OR10W1: variants seen among roughly 807,000 people sequenced by gnomAD.
OR10W1 encodes the protein olfactory receptor 10W1.
For synonymous variants in OR10W1, 152 were observed against 151.6 expected (o/e 1.00, Z -0.02); for missense variants, 406 against 365.8 (o/e 1.11, Z -0.90).
In OR10W1 at chr11:58,267,751, A is replaced by C; in HGVS notation, c.108T>G (p.Ile36Met). 2 of 1,614,082 alleles carry C rather than the reference A, an allele frequency of 1.2e-6. No individual in the cohort carries two copies. Among genetic ancestry groups the C allele is most frequent in the South Asian group, 2.2e-5 (2 of 91,084 alleles). ...AGGTTTCTGTGTGAATGGACACCACAATGAGAATGTTCCCAGTGATGATCA... is the reference window on the plus strand; with the variant it reads ...AGGTTTCTGTGTGAATGGACACCACCATGAGAATGTTCCCAGTGATGATCA... ...YGLIITGNILIVVSIHTETCL... is the reference protein window; with the variant it reads ...YGLIITGNILMVVSIHTETCL... The change falls in exon 1 of 1, where the codon ATT becomes ATG. Residue 36 changes from isoleucine (I) to methionine (M), a missense_variant. By Grantham distance (10) the Ile-to-Met change is conservative (BLOSUM62 1). Transcript: ENST00000395079.
In OR10W1 at chr11:58,267,824, G is replaced by T; in HGVS notation, c.35C>A (p.Pro12Gln). 1 of 1,614,028 alleles carries T rather than the reference G, an allele frequency of 6.2e-7. No individual in the cohort carries two copies. The highest frequency in any genetic ancestry group is 8.5e-7 in the Non-Finnish European group (1 of 1,179,930). ...AAGGAAGGACAGAATATGCAGTTCT[G>T]GGCAGGAGGGATAGGCCAGGAACAC... is the stretch of plus-strand genomic sequence containing the variant. ...EFVFLAYPSCPELHILSFLGV... is the reference protein window; with the variant it reads ...EFVFLAYPSCQELHILSFLGV... The change falls in exon 1 of 1, where the codon CCA (proline) becomes CAA (glutamine). Residue 12 changes from proline to glutamine, a missense_variant. Transcript: ENST00000395079.
Position 58,267,344 on chromosome 11 carries a change from A to G in OR10W1, c.515T>C (p.Val172Ala). The change falls in exon 1 of 1, where the codon GTG becomes GCG. Residue 172 changes from valine to alanine, a missense_variant. By Grantham distance (64) the Val-to-Ala change is moderately conservative. Coordinates refer to ENST00000395079, the MANE Select transcript of OR10W1 (RefSeq NM_207374.3). ...AQGIEHFFCD[V>A]PPVMHVVCAQ... ...ACAAACAACATGCATGACTGGTGGC[A>G]CATCACAAAAGAAGTGCTCAATGCC... The G allele has an allele frequency of 6.2e-7, 1 of 1,614,020 alleles. No individual in the cohort carries two copies. Among genetic ancestry groups the G allele is most frequent in the Non-Finnish European group, 8.5e-7 (1 of 1,179,950 alleles).
chr11:58,266,875 C>CA lies in OR10W1; in HGVS notation c.*65dup. On this transcript the variant is annotated 3_prime_UTR_variant, in exon 1 of 1. Coordinates refer to ENST00000395079, the MANE Select transcript of OR10W1 (RefSeq NM_207374.3). ...TTTTAACACCAAATGATAGAAATCT[C>CA]AGTTTCATACAGATTTGGTGGGCTG... The CA allele has an allele frequency of 8.0e-7, 1 of 1,246,152 alleles. No homozygotes were observed. The allele number at this position is 1,246,152 out of a possible 1,614,324, so 77.2% of individuals were successfully genotyped here. A position where few individuals can be genotyped will look rare whatever the true frequency, so the allele number is the denominator to read the frequency against.
At position 58,268,121 on chromosome 11, in the gene OR10W1, A is replaced by G. The variant is rs569942549; in HGVS notation, c.-263T>C. 5.0e-6 allele frequency: 2 copies of G among 399,292 alleles called. No homozygotes were observed. The highest frequency in any genetic ancestry group is 7.9e-5 in the East Asian group (2 of 25,318). 24.7% of individuals were successfully genotyped at this position (399,292 alleles called of 1,614,324 possible). On this transcript the variant is annotated 5_prime_UTR_variant, in exon 1 of 1. Transcript: ENST00000395079. ...GTTGGGCCAAACTATGTAAGATACT[A>G]TTGAAGAAAAATGGCAGAGGAAGTG...
At position 58,266,987 on chromosome 11, in the gene OR10W1, G is replaced by A. The variant is rs1304601568; in HGVS notation, c.872C>T (p.Ala291Val). Reference sequence around the variant, plus strand: ...GTTCCTGGTAAGAACTCTCCCTACGGCCCCTTTCATCTCACTGTTCCTCAG... The same window carrying A: ...GTTCCTGGTAAGAACTCTCCCTACGACCCCTTTCATCTCACTGTTCCTCAG... ...YALRNSEMKG[A>V]VGRVLTRNCL... The change falls in exon 1 of 1, where the codon GCC (alanine) becomes GTC (valine). Residue 291 changes from alanine to valine, a missense_variant. By Grantham distance (64) the Ala-to-Val change is moderately conservative. Transcript: ENST00000395079. The A allele has an allele frequency of 2.5e-6, 4 of 1,594,740 alleles. No individual in the cohort carries two copies. The highest frequency in any genetic ancestry group is 2.7e-5 in the African/African-American group (2 of 74,716).
rs770706815 is a variant in OR10W1, at chr11:58,267,046, C to T, written c.813G>A (p.Leu271=). Residue 271 remains leucine (L), a synonymous_variant, in exon 1 of 1, where the codon TTG becomes TTA. Transcript: ENST00000395079. ...QDRFISLVYT[L]GTPLLNPLIY... ...TAAGTGGGTTGAGCAGTGGGGTTCC[C>T]AATGTGTACACCAGTGAGATGAACC... is the stretch of plus-strand genomic sequence containing the variant. 24 of 1,613,838 alleles carry T rather than the reference C, an allele frequency of 1.5e-5. No homozygotes were observed. The African/African-American group carries it at 3.1e-4, about 21-fold the overall frequency.
chr11:58,267,261 C>A lies in OR10W1; in HGVS notation c.598G>T (p.Val200Leu). ...GAGGTGGTGATGAGGAAGAAAGGCA[C>A]AGCAATGGCTAGTATGGCTGCCACC... Reference protein sequence around the residue: ...VLVAAILAIAVPFFLITTSYT... With the variant: ...VLVAAILAIALPFFLITTSYT... The change falls in exon 1 of 1, where the codon GTG (valine) becomes TTG (leucine). Residue 200 changes from valine (V) to leucine (L), a missense_variant. By Grantham distance (32) the Val-to-Leu change is conservative. Transcript: ENST00000395079. The A allele has an allele frequency of 6.2e-7, 1 of 1,614,154 alleles. No individual in the cohort carries two copies.
rs1404346424 is a variant in OR10W1 at position 58,267,280 on chromosome 11, T to C, written c.579A>G (p.Ala193=). 3.1e-6 allele frequency: 5 copies of C among 1,614,016 alleles called. No individual in the cohort carries two copies. The East Asian group carries it at 1.1e-4, about 36-fold the overall frequency. The change falls in exon 1 of 1, where the codon GCA becomes GCG. Residue 193 remains alanine, a synonymous_variant. Transcript: ENST00000395079. ...AAGGCACAGCAATGGCTAGTATGGC[T>C]GCCACCAGCACTGACTGCTCATGAA... ...SHIHEQSVLV[A]AILAIAVPFF... is the part of the protein sequence containing the mutation.
chr11:58,267,780 C>T lies in OR10W1; in HGVS notation c.79G>A (p.Gly27Ser). The T allele has an allele frequency of 6.2e-7, 1 of 1,614,130 alleles. No homozygotes were observed. The highest frequency in any genetic ancestry group is 8.5e-7 in the Non-Finnish European group (1 of 1,179,998). The change falls in exon 1 of 1, where the codon GGT becomes AGT. Residue 27 changes from glycine to serine, a missense_variant. By Grantham distance (56) the Gly-to-Ser change is moderately conservative. Transcript: ENST00000395079. ...AGAATGTTCCCAGTGATGATCAAAC[C>T]ATAAACCAGGCTGACCCCAAGGAAG... ...LSFLGVSLVY[G>S]LIITGNILIV...
chr11:58,267,188 C>T lies in OR10W1; in HGVS notation c.671G>A (p.Gly224Asp), dbSNP rs201353097. ...AALLKIHSAA[G>D]RHRAFSTCSS... ...GCAGGTGGAGAAGGCCCGGTGGCGG[C>T]CAGCAGCCGAGTGGATCTTGAGCAG... Residue 224 changes from glycine (G) to aspartate (D), a missense_variant, in exon 1 of 1, where the codon GGC (glycine) becomes GAC (aspartate). Gly to Asp is a moderately conservative substitution (Grantham distance 94). Transcript: ENST00000395079. 4.3e-6 allele frequency: 7 copies of T among 1,614,026 alleles called. No homozygotes were observed. The highest frequency in any genetic ancestry group is 1.7e-5 in the Admixed American group (1 of 59,998).
Position 58,267,639 on chromosome 11 carries a change from C to G in OR10W1, c.220G>C (p.Ala74Pro). The G allele has an allele frequency of 6.2e-7, 1 of 1,614,092 alleles. No homozygotes were observed. Among genetic ancestry groups the G allele is most frequent in the Non-Finnish European group, 8.5e-7 (1 of 1,180,020 alleles). ...YTAVVVPHIL[A>P]NTLQSEKTIT... The stretch of plus-strand genomic sequence containing the variant: ...GTCTTCTCTGACTGTAGGGTGTTGG[C>G]CAGGATATGGGGCACCACCACTGCA... Residue 74 changes from alanine to proline, a missense_variant, in exon 1 of 1, where the codon GCC becomes CCC. Ala to Pro is a conservative substitution (Grantham distance 27). Coordinates refer to ENST00000395079, the MANE Select transcript of OR10W1 (RefSeq NM_207374.3).
At position 58,266,833 on chromosome 11, in the gene OR10W1, A is replaced by G. The variant is rs1229353602; in HGVS notation, c.*108T>C. ...CATAAACAGTATCCATATAATTTAT[A>G]CCATCTTTTAGATGAGTTTTAACAC... On this transcript the variant is annotated 3_prime_UTR_variant, in exon 1 of 1. Transcript: ENST00000395079. 4.8e-6 allele frequency: 4 copies of G among 826,778 alleles called. No individual in the cohort carries two copies. The allele number at this position is 826,778 out of a possible 1,614,324, so 51.2% of individuals were successfully genotyped here.
rs1853557757 is a variant in OR10W1, at chr11:58,267,415, T to A, written c.444A>T (p.Leu148Phe). Residue 148 changes from leucine to phenylalanine, a missense_variant, in exon 1 of 1, where the codon TTA (leucine) becomes TTT (phenylalanine). Physicochemically the swap from Leu to Phe is conservative, Grantham distance 22 (BLOSUM62 0). Transcript: ENST00000395079. The part of the protein sequence containing the change: ...ASVISGLFLS[L>F]QLVAFIFSLP... Reference sequence around the variant, plus strand: ...GAGAGAAGATGAAGGCCACCAGTTGTAAGGACAGGAACAGACCACTGATGA... The same window carrying A: ...GAGAGAAGATGAAGGCCACCAGTTGAAAGGACAGGAACAGACCACTGATGA... 6.2e-7 allele frequency: 1 copy of A among 1,613,600 alleles called. No homozygotes were observed. Among genetic ancestry groups the A allele is most frequent in the South Asian group, 1.1e-5 (1 of 91,016 alleles).
Position 58,267,890 on chromosome 11 carries a change from C to CT in OR10W1, c.-33dup, listed in dbSNP as rs750263033. On this transcript the variant is annotated 5_prime_UTR_variant, in exon 1 of 1. Coordinates refer to ENST00000395079, the MANE Select transcript of OR10W1 (RefSeq NM_207374.3). ...TGAGTGATTTTCCCAGGTAATTGAG[C>CT]TAACAGTATTTCTCTGTGGAGAGCT... 6.6e-7 allele frequency: 1 copy of CT among 1,513,060 alleles called. No homozygotes were observed. Among genetic ancestry groups the CT allele is most frequent in the Non-Finnish European group, 9.1e-7 (1 of 1,094,884 alleles). The allele number at this position is 1,513,060 out of a possible 1,614,324, so 93.7% of individuals were successfully genotyped here.
At position 58,268,011 on chromosome 11, in the gene OR10W1, G is replaced by A; in HGVS notation, c.-153C>T. On this transcript the variant is annotated 5_prime_UTR_variant, in exon 1 of 1. Coordinates refer to ENST00000395079, the MANE Select transcript of OR10W1 (RefSeq NM_207374.3). ...CAGCACTGGAGTTAGAAACTGGAAGGATCAAGACTAGTTCTTTTTCTTTTC... is the reference window on the plus strand; with the variant it reads ...CAGCACTGGAGTTAGAAACTGGAAGAATCAAGACTAGTTCTTTTTCTTTTC... 1.6e-6 allele frequency: 1 copy of A among 626,746 alleles called. No individual in the cohort carries two copies. Among genetic ancestry groups the A allele is most frequent in the South Asian group, 2.1e-5 (1 of 47,922 alleles). 38.8% of individuals were successfully genotyped at this position (626,746 alleles called of 1,614,324 possible). A position where few individuals can be genotyped will look rare whatever the true frequency, so the allele number is the denominator to read the frequency against.
chr11:58,267,103 G>T lies in OR10W1; in HGVS notation c.756C>A (p.Cys252Ter). 1 of 1,614,130 alleles carries T rather than the reference G, an allele frequency of 6.2e-7. No individual in the cohort carries two copies. Among genetic ancestry groups the T allele is most frequent in the Non-Finnish European group, 8.5e-7 (1 of 1,179,992 alleles). The change falls in exon 1 of 1, where the codon TGC becomes TGA. Residue 252 changes from cysteine to a stop codon, truncating the protein, a stop_gained. Coordinates refer to ENST00000395079, the MANE Select transcript of OR10W1 (RefSeq NM_207374.3). LOFTEE classifies it low-confidence loss of function (END_TRUNC). Reference sequence around the variant, plus strand: ...GCTTGGGGTTGTAGCTGGAGCTGGGGCACAGGTACATGAAGGCACAGCAGC... The same window carrying T: ...GCTTGGGGTTGTAGCTGGAGCTGGGTCACAGGTACATGAAGGCACAGCAGC... ...QYGCCAFMYL[C>*]PSSSYNPKQD...
In OR10W1 at chr11:58,267,750, CA is replaced by C; in HGVS notation, c.108del (p.Ile36MetfsTer92). The C allele has an allele frequency of 6.2e-7, 1 of 1,614,014 alleles. No individual in the cohort carries two copies. The highest frequency in any genetic ancestry group is 8.5e-7 in the Non-Finnish European group (1 of 1,179,900). On this transcript the variant is annotated frameshift_variant, in exon 1 of 1. Transcript: ENST00000395079. LOFTEE classifies it low-confidence loss of function (END_TRUNC). ...CAGGTTTCTGTGTGAATGGACACCA[CA>C]ATGAGAATGTTCCCAGTGATGATCA... is the stretch of plus-strand genomic sequence containing the variant. ...YGLIITGNIL[I>X]VVSIHTETCL...
Position 58,267,015 on chromosome 11 carries a change from C to G in OR10W1, c.844G>C (p.Ala282Pro), listed in dbSNP as rs777444012. 1.4e-5 allele frequency: 22 copies of G among 1,611,914 alleles called. No homozygotes were observed. In the Admixed American group the frequency reaches 3.7e-4, roughly 27 times the overall value. ...CCTTTCATCTCACTGTTCCTCAGGG[C>G]ATAGATAAGTGGGTTGAGCAGTGGG... The part of the protein sequence containing the change: ...GTPLLNPLIY[A>P]LRNSEMKGAV... Residue 282 changes from alanine (A) to proline (P), a missense_variant, in exon 1 of 1, where the codon GCC (alanine) becomes CCC (proline). Ala to Pro is a conservative substitution (Grantham distance 27, BLOSUM62 -1). Coordinates refer to ENST00000395079, the MANE Select transcript of OR10W1 (RefSeq NM_207374.3).
Position 58,267,052 on chromosome 11 carries a change from G to T in OR10W1, c.807C>A (p.Tyr269Ter). 6.2e-7 allele frequency: 1 copy of T among 1,614,032 alleles called. No individual in the cohort carries two copies. The highest frequency in any genetic ancestry group is 8.5e-7 in the Non-Finnish European group (1 of 1,179,976). Residue 269 changes from tyrosine to a stop codon, truncating the protein, a stop_gained, in exon 1 of 1, where the codon TAC becomes TAA. Transcript: ENST00000395079. LOFTEE classifies it low-confidence loss of function (END_TRUNC). ...PKQDRFISLV[Y>*]TLGTPLLNPL... ...GGTTGAGCAGTGGGGTTCCCAATGT[G>T]TACACCAGTGAGATGAACCGATCTT...
Sources: gnomAD v4.1 joint callset for allele counts on GRCh38, gnomAD v4.1.1 for gene constraint, MANE v1.5 for transcripts, NCBI Gene and HGNC (gene_info 2026-07-23, HGNC 2026-07-21) for gene names.